The following CALN1 variants were observed in gnomAD, a reference collection of about 807,000 sequenced individuals.
The protein encoded by CALN1 is calneuron 1.
Under a neutral mutation model 30.6 loss-of-function variants are expected in CALN1, and 17 were observed. The observed-to-expected ratio is 0.56, with a 90% CI of 0.38 to 0.83. The LOEUF is 0.83. Ranked by LOEUF, CALN1 falls within the 40% of genes least tolerant of loss-of-function variation. CALN1 has a pLI of 0.00. For synonymous variants in CALN1, 156 were observed against 131.4 expected, an observed-to-expected ratio of 1.19 and a Z score of -1.28; for missense variants, 291 against 354.9, an observed-to-expected ratio of 0.82 and a Z score of 1.45.
At chr7:72,258,703 A>G (rs575254742) in intron 3 of CALN1, among the ~76,000 whole-genome samples, 1 of 152,258 alleles carries the variant, frequency 6.6e-6, no homozygotes, top group East Asian at 1.9e-4. Context: ...AGATCACCCA[A>G]GGTCAGGAGT....
At chr7:72,237,868 G>A (rs1053329536) in intron 3 of CALN1, among the ~76,000 whole-genome samples, 2 of 152,206 alleles carry the variant, frequency 1.3e-5, no homozygotes, top group African/African-American at 4.8e-5. Context: ...CCCCAGAAAT[G>A]TTACCATGGA....
chr7:72,120,558 G>C (rs1020621146), intron 3 of CALN1, among the ~76,000 whole-genome samples: 5 of 152,016 alleles, frequency 3.3e-5, no homozygotes, highest in African/African-American at 1.2e-4. Flanking sequence ...GACTTCCTAG[G>C]AATACAATCA....
intron 1 of CALN1, among the ~76,000 whole-genome samples, chr7:72,424,669 T>C (rs1807740291): frequency 6.6e-6 from 1 of 152,108 alleles, no homozygotes; most frequent in African/African-American, 2.4e-5. Context: ...TGATCATAGC[T>C]CACTGCAGCC....
At chr7:72,069,053 T>G (rs1294685181) in intron 4 of CALN1, among the ~76,000 whole-genome samples, 1 of 152,070 alleles carries the variant, frequency 6.6e-6, no homozygotes, top group Non-Finnish European at 1.5e-5. Flanking sequence ...ACAATGAAAA[T>G]TGCTTTCCCA....
intron 3 of CALN1, among the ~76,000 whole-genome samples, chr7:72,200,264 G>A (rs1484378677): frequency 6.6e-6 from 1 of 152,128 alleles, no homozygotes; most frequent in East Asian, 1.9e-4. Flanking sequence ...AGCCAGGGGT[G>A]AATCCCAGCG....
At chr7:71,947,167 C>T (rs1181353715) in intron 5 of CALN1, among the ~76,000 whole-genome samples, 2 of 152,128 alleles carry the variant, frequency 1.3e-5, no homozygotes, top group Admixed American at 6.5e-5. Flanking sequence ...CCCACCACCA[C>T]GCCTGGCTAA....
At chr7:72,435,793 T>C (rs1808137908) in intron 1 of CALN1, among the ~76,000 whole-genome samples, 1 of 152,134 alleles carries the variant, frequency 6.6e-6, no homozygotes, top group South Asian at 2.1e-4. Flanking sequence ...AATTTAACAG[T>C]GTGGTACAGC....
At chr7:72,405,714 A>C (rs1406369731) in intron 1 of CALN1, among the ~76,000 whole-genome samples, 1 of 145,058 alleles carries the variant, frequency 6.9e-6, no homozygotes, top group Non-Finnish European at 1.5e-5. Flanking sequence ...TACAGTAGAA[A>C]CGCAAAAAAA....
the CALN1 span, among the ~76,000 whole-genome samples, chr7:72,472,275 A>G: frequency 6.6e-6 from 1 of 152,168 alleles, no homozygotes; most frequent in Non-Finnish European, 1.5e-5. Flanking sequence ...AAGGCCATAC[A>G]TCCTTGTTGA....
At chr7:72,347,119 A>G (rs992141583) in intron 2 of CALN1, among the ~76,000 whole-genome samples, 5 of 152,234 alleles carry the variant, frequency 3.3e-5, no homozygotes, top group African/African-American at 9.6e-5. Context: ...CAAAACCAAT[A>G]AAGACATTAA....
chr7:72,205,551 A>AAATATATACATATATATAC, intron 3 of CALN1, among the ~76,000 whole-genome samples: 7 of 83,052 alleles, frequency 8.4e-5, no homozygotes, highest in African/African-American at 4.5e-4. Context: ...GCAAAAAAAA[A>AAATATATACATATATATAC]ATATATATAT....
At chr7:71,943,112 AT>A (rs970667951) in intron 5 of CALN1, among the ~76,000 whole-genome samples, 1 of 146,002 alleles carries the variant, frequency 6.8e-6, no homozygotes, top group Non-Finnish European at 1.5e-5. Flanking sequence ...CCTCGGGCAC[AT>A]GTCGCCAGGA....
chr7:71,929,836 T>C (rs1293652478), intron 5 of CALN1, among the ~76,000 whole-genome samples: 1 of 152,204 alleles, frequency 6.6e-6, no homozygotes, highest in Non-Finnish European at 1.5e-5. Flanking sequence ...GGCTGCACAA[T>C]TTGCATTCAC....
At chr7:72,045,469 CT>C (rs1342536091) in intron 4 of CALN1, among the ~76,000 whole-genome samples, 2 of 152,198 alleles carry the variant, frequency 1.3e-5, no homozygotes, top group African/African-American at 4.8e-5. Flanking sequence ...GTTTCAGCAC[CT>C]GCAAGTAATG....
chr7:72,010,962 G>T (rs1800043961), intron 5 of CALN1, among the ~76,000 whole-genome samples: 2 of 151,860 alleles, frequency 1.3e-5, no homozygotes, highest in South Asian at 4.2e-4. Flanking sequence ...AGACCATCCT[G>T]GCCAACACAG....
chr7:71,832,280 C>T (rs1789334321), intron 5 of CALN1, among the ~76,000 whole-genome samples: 1 of 152,162 alleles, frequency 6.6e-6, no homozygotes, highest in Non-Finnish European at 1.5e-5. Context: ...TTTTACCACA[C>T]CAATGACCCT....
At chr7:72,432,785 A>G (rs545436404) in intron 1 of CALN1, among the ~76,000 whole-genome samples, 1 of 152,280 alleles carries the variant, frequency 6.6e-6, no homozygotes, top group South Asian at 2.1e-4. Context: ...GAAGTTGGCT[A>G]CTTTATGACA....
intron 5 of CALN1, among the ~76,000 whole-genome samples, chr7:71,891,567 G>T (rs533868743): frequency 9.2e-5 from 14 of 152,352 alleles, no homozygotes; most frequent in African/African-American, 3.4e-4. Flanking sequence ...AATAAAATGG[G>T]AGGATAATGA....
At chr7:71,975,102 A>G (rs1422880420) in intron 5 of CALN1, among the ~76,000 whole-genome samples, 1 of 152,142 alleles carries the variant, frequency 6.6e-6, no homozygotes, top group Admixed American at 6.6e-5. Flanking sequence ...ATCAGCAAGA[A>G]GGGTGCTGTG....
Sources: gnomAD v4.1 joint callset for allele counts (sites outside exome capture counted in the v4.1 genomes callset) on GRCh38, gnomAD v4.1.1 for gene constraint, MANE v1.5 for transcripts, NCBI Gene and HGNC (gene_info 2026-07-23, HGNC 2026-07-21) for gene names.